RNF6: variants seen among roughly 807,000 people sequenced by gnomAD.
RNF6 encodes the protein E3 ubiquitin-protein ligase RNF6.
A neutral mutation model predicts 50.1 loss-of-function variants in RNF6; 21 were observed. That is an observed-to-expected ratio of 0.42 (90% CI 0.30 to 0.60). The LOEUF (loss-of-function observed/expected upper bound fraction) is 0.60. Ranked by LOEUF, RNF6 falls within the 20% of genes least tolerant of loss-of-function variation. RNF6 has a pLI of 0.20. For synonymous variants in RNF6, 255 were observed against 291.8 expected, an observed-to-expected ratio of 0.87 and a Z score of 1.29; for missense variants, 698 against 838.2, an observed-to-expected ratio of 0.83 and a Z score of 2.07.
chr13:26,220,562 T>G (rs550671513), intron 2 of RNF6, among the ~76,000 whole-genome samples: 3 of 152,202 alleles, frequency 2.0e-5, no homozygotes, highest in Admixed American at 2.0e-4. Context: ...ACTAAAGCAA[T>G]GGTTCTCAAA....
chr13:26,218,326 C>T (rs1013593481), intron 4 of RNF6, among the ~76,000 whole-genome samples, 185 bp downstream of exon 4: 3 of 152,164 alleles, frequency 2.0e-5, no homozygotes, highest in Admixed American at 2.0e-4. Flanking sequence ...GACATCTTTG[C>T]ATTCATTCCT....
Position 26,175,766 on chromosome 13 carries a change from T to C in RNF6, n.768+39708A>G, listed in dbSNP as rs1046336164. ...TCCTAGTGACCTCCTCCTACGCAAG[T>C]GTGCACTTCCAAGTCATAGCAAGAT... On this transcript the variant is annotated intron_variant and non_coding_transcript_variant, in intron 5 of 5. Coordinates refer to the RNF6 transcript ENST00000468480. 5.3e-5 allele frequency among the ~76,000 whole-genome samples: 8 copies of C among 152,318 alleles called. No homozygotes were observed. In the East Asian group the frequency reaches 1.2e-3, roughly 22 times the overall value.
chr13:26,171,353 A>G (rs1472316453), intron 5 of RNF6, among the ~76,000 whole-genome samples: 10 of 152,176 alleles, frequency 6.6e-5, no homozygotes, highest in Admixed American at 6.5e-4. Context: ...ATAACACTTC[A>G]CACCTATTAA....
chr13:26,199,455 G>T (rs1868807238), intron 5 of RNF6, among the ~76,000 whole-genome samples: 2 of 152,156 alleles, frequency 1.3e-5, no homozygotes, highest in South Asian at 4.1e-4. Context: ...GAAAGTCTTT[G>T]TGATTTTTGG....
At chr13:26,177,260 A>C (rs898234698) in intron 5 of RNF6, among the ~76,000 whole-genome samples, 9 of 152,316 alleles carry the variant, frequency 5.9e-5, no homozygotes, top group African/African-American at 2.2e-4. Flanking sequence ...AGCAGTGTCT[A>C]TACCAGCGAC....
chr13:26,150,193 G>T (rs1024785126), intron 5 of RNF6, among the ~76,000 whole-genome samples: 1 of 151,868 alleles, frequency 6.6e-6, no homozygotes, highest in Non-Finnish European at 1.5e-5. Context: ...AACGCACAAT[G>T]AGCAATTCCG....
At chr13:26,171,808 AT>A (rs1298324056) in intron 5 of RNF6, among the ~76,000 whole-genome samples, 1 of 152,232 alleles carries the variant, frequency 6.6e-6, no homozygotes, top group African/African-American at 2.4e-5. Flanking sequence ...GTGAAATTTT[AT>A]ATGTTTATAT....
intron 5 of RNF6, among the ~76,000 whole-genome samples, chr13:26,171,438 T>C (rs1262174368): frequency 6.6e-6 from 1 of 152,174 alleles, no homozygotes; most frequent in Non-Finnish European, 1.5e-5. Flanking sequence ...GAAAGCATTG[T>C]GCATTGGTGG....
chr13:26,133,474 A>G (rs940666709), intron 5 of RNF6, among the ~76,000 whole-genome samples: 2 of 152,124 alleles, frequency 1.3e-5, no homozygotes, highest in Non-Finnish European at 2.9e-5. Context: ...CTGTTTGGTT[A>G]TGTTCCCAAA....
At chr13:26,195,526 C>T (rs1868626959) in intron 5 of RNF6, among the ~76,000 whole-genome samples, 1 of 152,026 alleles carries the variant, frequency 6.6e-6, no homozygotes. Flanking sequence ...GATACCAAAC[C>T]ACAGCTCCTG....
At chr13:26,182,987 C>T (rs1873314166) in intron 5 of RNF6, among the ~76,000 whole-genome samples, 1 of 152,126 alleles carries the variant, frequency 6.6e-6, no homozygotes. Context: ...GATTTGTACC[C>T]TTTGGATACT....
intron 5 of RNF6, among the ~76,000 whole-genome samples, chr13:26,141,529 A>G (rs1343995915): frequency 6.6e-6 from 1 of 152,148 alleles, no homozygotes; most frequent in Non-Finnish European, 1.5e-5. Flanking sequence ...GTACAAAAGG[A>G]GACACATAGA....
chr13:26,148,937 C>T lies in RNF6; in HGVS notation n.769-16486G>A, dbSNP rs114770774. On this transcript the variant is annotated intron_variant and non_coding_transcript_variant, in intron 5 of 5. Transcript: ENST00000468480. Reference sequence around the variant, plus strand: ...TGAAGGCCAGCATGCAGGAGGAATTCTCTCTTGCTCAGGGAATGGCCAGCT... The same window carrying T: ...TGAAGGCCAGCATGCAGGAGGAATTTTCTCTTGCTCAGGGAATGGCCAGCT... 7.0e-3 allele frequency among the ~76,000 whole-genome samples: 1,067 copies of T among 151,752 alleles called. 13 individuals carry two copies. The highest frequency in any genetic ancestry group is 0.024 in the African/African-American group (1,008 of 41,328).
chr13:26,191,049 T>C (rs971564839), intron 5 of RNF6, among the ~76,000 whole-genome samples: 4 of 152,188 alleles, frequency 2.6e-5, no homozygotes, highest in Admixed American at 2.6e-4. Flanking sequence ...CATTAAAGGA[T>C]GCCATAAAAT....
At chr13:26,197,568 C>T (rs1229733073) in intron 5 of RNF6, among the ~76,000 whole-genome samples, 1 of 151,830 alleles carries the variant, frequency 6.6e-6, no homozygotes, top group Non-Finnish European at 1.5e-5. Context: ...TGACACTGCT[C>T]AAGCCCTCTA....
intron 5 of RNF6, among the ~76,000 whole-genome samples, chr13:26,168,471 C>A (rs527602314): frequency 6.6e-6 from 1 of 152,328 alleles, no homozygotes; most frequent in South Asian, 2.1e-4. Context: ...CGTTTTTGGG[C>A]AGGGGTAGGA....
chr13:26,160,044 A>G (rs1275218147), intron 5 of RNF6, among the ~76,000 whole-genome samples: 2 of 152,320 alleles, frequency 1.3e-5, no homozygotes, highest in East Asian at 3.9e-4. Context: ...CTCACTGAAA[A>G]TTAAGAATTT....
chr13:26,146,303 A>G (rs1346351247), intron 5 of RNF6, among the ~76,000 whole-genome samples: 1 of 152,202 alleles, frequency 6.6e-6, no homozygotes, highest in African/African-American at 2.4e-5. Context: ...TATTTGTTGC[A>G]TTGACACTGC....
rs372880686 is a variant in RNF6, at chr13:26,216,607, G to A, written c.290-1015C>T. On this transcript the variant is annotated intron_variant, in intron 4 of 4. Transcript: ENST00000381588. ...TATAAAGTACAAAACTTAATAAAAA[G>A]CATCAACACATTAACTACACAAACT... Among the ~76,000 whole-genome samples the A allele has an allele frequency of 6.6e-5, 10 of 152,174 alleles. No homozygotes were observed. The East Asian group carries it at 7.7e-4, about 12-fold the overall frequency.
Sources: allele counts gnomAD v4.1 joint callset (sites outside exome capture counted in the v4.1 genomes callset), GRCh38; gene constraint gnomAD v4.1.1; transcripts MANE v1.5; gene names NCBI Gene and HGNC (gene_info 2026-07-23, HGNC 2026-07-21).